CADM1: variants seen among roughly 807,000 people sequenced by gnomAD.
The protein encoded by CADM1 is TSLC-1.
In CADM1, 15 loss-of-function variants were observed where a neutral mutation model predicts 53.1. That is an observed-to-expected ratio of 0.28 (90% CI 0.19 to 0.44). The LOEUF is 0.44. Among genes scored for constraint, CADM1 ranks in the 20% least tolerant of loss-of-function variants. The pLI, the probability that CADM1 is intolerant of heterozygous loss-of-function variation, is 1.00. For synonymous variants in CADM1, 281 were observed against 243.0 expected (o/e 1.16, Z -1.45); for missense variants, 434 against 611.3 (o/e 0.71, Z 3.06).
chr11:115,414,917 G>A (rs1947555971), intron 1 of CADM1, among the ~76,000 whole-genome samples: 1 of 152,158 alleles, frequency 6.6e-6, no homozygotes, highest in South Asian at 2.1e-4. Flanking sequence ...AAATTCCGGT[G>A]CCTGATTTAA....
chr11:115,414,037 T>A (rs1208559479), intron 1 of CADM1, among the ~76,000 whole-genome samples: 2 of 152,150 alleles, frequency 1.3e-5, no homozygotes, highest in Non-Finnish European at 2.9e-5. Flanking sequence ...TAATTCCTTA[T>A]GCAAATACTG....
intron 1 of CADM1, chr11:115,399,076 G>A (rs985296004): frequency 5.3e-5 from 8 of 152,306 alleles, no homozygotes; most frequent in East Asian, 1.9e-4. Context: ...AATCTGATAC[G>A]TAGTTATTAT....
At chr11:115,249,823 G>C (rs1942532123) in intron 1 of CADM1, among the ~76,000 whole-genome samples, 1 of 152,126 alleles carries the variant, frequency 6.6e-6, no homozygotes, top group South Asian at 2.1e-4. Context: ...ACCCTACTGT[G>C]GTCTCTTCTA....
At chr11:115,358,010 A>G (rs1027950266) in intron 1 of CADM1, among the ~76,000 whole-genome samples, 13 of 152,180 alleles carry the variant, frequency 8.5e-5, no homozygotes, top group Non-Finnish European at 1.5e-4. Context: ...ATTGAGGTCT[A>G]ATAAATGCAT....
At chr11:115,337,650 T>C (rs1393984031) in intron 1 of CADM1, among the ~76,000 whole-genome samples, 2 of 152,166 alleles carry the variant, frequency 1.3e-5, no homozygotes, top group Admixed American at 6.6e-5. Flanking sequence ...AACTAAGTTA[T>C]ACATATATTT....
chr11:115,174,413 C>T lies in CADM1; in HGVS notation c.*2061G>A, dbSNP rs1044162113. On this transcript the variant is annotated 3_prime_UTR_variant, in exon 12 of 12. Transcript: ENST00000331581. ...TGGGTGCTAAGGGCTCGGAATAGAGCTGCAGATTATAAAATTCATTGAAAA... is the reference window on the plus strand; with the variant it reads ...TGGGTGCTAAGGGCTCGGAATAGAGTTGCAGATTATAAAATTCATTGAAAA... The T allele has an allele frequency of 6.1e-6, 6 of 985,520 alleles. No individual in the cohort carries two copies. The African/African-American group carries it at 1.0e-4, about 17-fold the overall frequency. The allele number at this position is 985,520 out of a possible 1,614,324, so 61.0% of individuals were successfully genotyped here.
intron 1 of CADM1, among the ~76,000 whole-genome samples, chr11:115,316,697 T>A (rs1944675854): frequency 6.6e-6 from 1 of 152,130 alleles, no homozygotes; most frequent in South Asian, 2.1e-4. Flanking sequence ...TCTAATGCAA[T>A]GATACAAATG....
intron 1 of CADM1, among the ~76,000 whole-genome samples, chr11:115,274,850 T>C (rs1943400900): frequency 6.6e-6 from 1 of 152,146 alleles, no homozygotes; most frequent in African/African-American, 2.4e-5. Flanking sequence ...CCCAGATCTG[T>C]CCTGCTTTCA....
At chr11:115,307,661 G>C (rs1167624288) in intron 1 of CADM1, among the ~76,000 whole-genome samples, 1 of 151,750 alleles carries the variant, frequency 6.6e-6, no homozygotes, top group Non-Finnish European at 1.5e-5. Flanking sequence ...TTGCACATCA[G>C]TCTTTGAGTC....
At chr11:115,466,110 T>G (rs1433731213) in intron 1 of CADM1, among the ~76,000 whole-genome samples, 1 of 151,998 alleles carries the variant, frequency 6.6e-6, no homozygotes, top group Non-Finnish European at 1.5e-5. Context: ...AAAAAAGCTA[T>G]GAAAAAAAAA....
chr11:115,357,961 G>A (rs529547140), intron 1 of CADM1, among the ~76,000 whole-genome samples: 1 of 152,210 alleles, frequency 6.6e-6, no homozygotes, highest in East Asian at 1.9e-4. Context: ...TTATAATGTG[G>A]TAATTGCCAT....
At chr11:115,354,418 A>G (rs1945811123) in intron 1 of CADM1, among the ~76,000 whole-genome samples, 1 of 152,208 alleles carries the variant, frequency 6.6e-6, no homozygotes, top group Non-Finnish European at 1.5e-5. Flanking sequence ...CTTTCCACCC[A>G]CATAACCCTG....
intron 1 of CADM1, among the ~76,000 whole-genome samples, chr11:115,494,125 A>G (rs1287160225): frequency 6.6e-6 from 1 of 152,170 alleles, no homozygotes; most frequent in East Asian, 1.9e-4. Context: ...GTATGTGTGT[A>G]TACATTATTG....
At chr11:115,391,951 A>T (rs1946846125) in intron 1 of CADM1, among the ~76,000 whole-genome samples, 2 of 152,306 alleles carry the variant, frequency 1.3e-5, no homozygotes, top group South Asian at 4.1e-4. Context: ...CACAGAATTA[A>T]ATCTGTGTTA....
At chr11:115,492,944 C>T (rs114808964) in intron 1 of CADM1, among the ~76,000 whole-genome samples, 205 of 150,270 alleles carry the variant, frequency 1.4e-3, no homozygotes, top group African/African-American at 4.7e-3. Context: ...CACACACACA[C>T]ACACACACAC....
chr11:115,379,805 C>T (rs889416923), intron 1 of CADM1, among the ~76,000 whole-genome samples: 9 of 152,088 alleles, frequency 5.9e-5, no homozygotes, highest in South Asian at 2.1e-4. Flanking sequence ...GACACAAACA[C>T]AGAAAAACAA....
chr11:115,272,906 A>AT (rs975036497), intron 1 of CADM1, among the ~76,000 whole-genome samples: 15 of 152,208 alleles, frequency 9.9e-5, no homozygotes, highest in African/African-American at 3.6e-4. Flanking sequence ...TAATAAAAAA[A>AT]TTTAAAAAAA....
intron 8 of CADM1, among the ~76,000 whole-genome samples, chr11:115,208,331 T>C (rs1207723431): frequency 1.3e-5 from 2 of 152,192 alleles, no homozygotes; most frequent in African/African-American, 2.4e-5. Flanking sequence ...AAACTGAGAT[T>C]AGACAATCTG....
chr11:115,346,335 T>C (rs1399243247), intron 1 of CADM1, among the ~76,000 whole-genome samples: 1 of 152,160 alleles, frequency 6.6e-6, no homozygotes, highest in East Asian at 1.9e-4. Context: ...TGGGGTAAAA[T>C]TTCATAAAAC....
Sources: allele counts gnomAD v4.1 joint callset (sites outside exome capture counted in the v4.1 genomes callset), GRCh38; gene constraint gnomAD v4.1.1; transcripts MANE v1.5; gene names NCBI Gene and HGNC (gene_info 2026-07-23, HGNC 2026-07-21).